Variants in DYNC1I1 observed in about 807,000 individuals in gnomAD.
DYNC1I1 encodes the protein cytoplasmic dynein 1 intermediate chain 1.
Under a neutral mutation model 86.6 loss-of-function variants are expected in DYNC1I1, and 43 were observed. That is an observed-to-expected ratio of 0.50 (90% CI 0.39 to 0.64). The LOEUF is 0.64. Ranked by LOEUF, DYNC1I1 falls within the 30% of genes least tolerant of loss-of-function variation. The pLI is 0.00. For synonymous variants in DYNC1I1, 262 were observed against 283.7 expected (o/e 0.92, Z 0.77); for missense variants, 604 against 788.8 (o/e 0.77, Z 2.81).
intron 14 of DYNC1I1, among the ~76,000 whole-genome samples, 191 bp from the exon 15 acceptor site, chr7:96,075,866 C>T (rs1002810882): frequency 4.6e-5 from 7 of 152,040 alleles, no homozygotes; most frequent in Admixed American, 2.0e-4. Flanking sequence ...GAGGCCCCCT[C>T]TCCCCCCGGT....
chr7:95,922,204 T>C lies in DYNC1I1; in HGVS notation c.490+52206T>C, dbSNP rs544390022. ...CTTCAGGATTTTTTTTTCTTTTCTT[T>C]TTTAATATTAGTGTGTGTAAAGGTG... On this transcript the variant is annotated intron_variant, in intron 6 of 16. Coordinates refer to ENST00000447467, the MANE Select transcript of DYNC1I1 (RefSeq NM_001135556.2). Among the ~76,000 whole-genome samples the C allele has an allele frequency of 7.2e-5, 11 of 152,306 alleles. No homozygotes were observed. In the East Asian group the frequency reaches 2.1e-3, roughly 29 times the overall value.
At chr7:95,923,076 C>CT (rs1274131541) in intron 6 of DYNC1I1, among the ~76,000 whole-genome samples, 2 of 151,982 alleles carry the variant, frequency 1.3e-5, no homozygotes, top group African/African-American at 4.8e-5. Context: ...GTTTTCATAT[C>CT]TTTTTTCTTG....
At chr7:95,896,595 A>T (rs548606646) in intron 6 of DYNC1I1, among the ~76,000 whole-genome samples, 1 of 152,292 alleles carries the variant, frequency 6.6e-6, no homozygotes, top group African/African-American at 2.4e-5. Context: ...AATTGGTTTC[A>T]CACACAGCTC....
At chr7:95,841,471 C>T (rs1374037771) in intron 5 of DYNC1I1, among the ~76,000 whole-genome samples, 1 of 152,120 alleles carries the variant, frequency 6.6e-6, no homozygotes, top group African/African-American at 2.4e-5. Context: ...TGGGACGAGC[C>T]TGCAAGGCCA....
chr7:95,801,132 C>T (rs1210408938), intron 1 of DYNC1I1, among the ~76,000 whole-genome samples: 1 of 152,120 alleles, frequency 6.6e-6, no homozygotes, highest in African/African-American at 2.4e-5. Flanking sequence ...TGGAATGGAT[C>T]AAAAAATCAA....
chr7:96,030,632 G>A (rs973156480), intron 11 of DYNC1I1, among the ~76,000 whole-genome samples: 2 of 151,944 alleles, frequency 1.3e-5, no homozygotes, highest in African/African-American at 4.8e-5. Flanking sequence ...TATCAAAGAA[G>A]CCCCACTGGA....
At chr7:96,083,163 C>T (rs914400514) in intron 16 of DYNC1I1, among the ~76,000 whole-genome samples, 4 of 151,930 alleles carry the variant, frequency 2.6e-5, no homozygotes, top group South Asian at 2.1e-4. Flanking sequence ...TCTGAATGAC[C>T]GAAAATCAGG....
At chr7:96,061,192 G>A (rs1789754711) in intron 14 of DYNC1I1, among the ~76,000 whole-genome samples, 1 of 152,180 alleles carries the variant, frequency 6.6e-6, no homozygotes, top group Admixed American at 6.5e-5. Flanking sequence ...TTTTAATTAA[G>A]GAGCGAAGGG....
chr7:96,030,301 TG>T (rs1794776527), intron 11 of DYNC1I1, among the ~76,000 whole-genome samples: 1 of 151,758 alleles, frequency 6.6e-6, no homozygotes, highest in Non-Finnish European at 1.5e-5. Context: ...ATGGGTATAC[TG>T]TAGCTTTCTT....
chr7:96,010,145 A>C (rs978184337), intron 10 of DYNC1I1, among the ~76,000 whole-genome samples: 9 of 152,170 alleles, frequency 5.9e-5, no homozygotes, highest in African/African-American at 1.9e-4. Flanking sequence ...TCTTTGAGGA[A>C]TCTGTCCCTG....
chr7:95,827,971 T>G, intron 4 of DYNC1I1, 86 bp from the exon 5 acceptor site: 1 of 1,399,882 alleles, frequency 7.1e-7, no homozygotes, highest in African/African-American at 1.4e-5. Context: ...GCTCTTGCCT[T>G]GATGAATGAC....
chr7:95,791,565 G>C (rs2115719870), intron 1 of DYNC1I1, among the ~76,000 whole-genome samples: 1 of 152,294 alleles, frequency 6.6e-6, no homozygotes, highest in Admixed American at 6.5e-5. Context: ...CTAAAGCATA[G>C]ATTATTTTTA....
At chr7:95,908,603 AGTC>A in intron 6 of DYNC1I1, among the ~76,000 whole-genome samples, 1 of 152,020 alleles carries the variant, frequency 6.6e-6, no homozygotes, top group Non-Finnish European at 1.5e-5. Flanking sequence ...TTTAGCATTC[AGTC>A]GTCTGGCCTC....
chr7:95,803,924 G>C (rs1040783989), intron 1 of DYNC1I1, among the ~76,000 whole-genome samples: 3 of 152,082 alleles, frequency 2.0e-5, no homozygotes, highest in African/African-American at 7.2e-5. Flanking sequence ...ATCACTACCA[G>C]CATCGTCATC....
rs145660284 is a variant in DYNC1I1, at chr7:95,867,262, A to T, written c.375-2621A>T. 6.2e-3 allele frequency among the ~76,000 whole-genome samples: 950 copies of T among 152,300 alleles called. 18 individuals are homozygous for T. Among genetic ancestry groups the T allele is most frequent in the African/African-American group, 0.022 (916 of 41,560 alleles). ...AACATTATTATAATCATCAGAACAG[A>T]TAAAGTAGAGCTGCTTGAGCCAAGA... is the stretch of plus-strand genomic sequence containing the variant. On this transcript the variant is annotated intron_variant, in intron 5 of 16. Coordinates refer to ENST00000447467, the MANE Select transcript of DYNC1I1 (RefSeq NM_001135556.2).
intron 6 of DYNC1I1, among the ~76,000 whole-genome samples, chr7:95,904,249 C>G (rs1402610023): frequency 6.6e-6 from 1 of 152,126 alleles, no homozygotes; most frequent in African/African-American, 2.4e-5. Flanking sequence ...TGGACCCTAG[C>G]CAGACCTCAG....
At chr7:95,976,785 TA>T (rs1678992095) in intron 6 of DYNC1I1, among the ~76,000 whole-genome samples, 1 of 152,130 alleles carries the variant, frequency 6.6e-6, no homozygotes, top group Non-Finnish European at 1.5e-5. Context: ...TTTCAAACAC[TA>T]TATAATGGAA....
Position 96,098,142 on chromosome 7 carries a change from G to C in DYNC1I1, c.*549G>C. The C allele has an allele frequency of 1.9e-5, 19 of 986,098 alleles. No homozygotes were observed. The highest frequency in any genetic ancestry group is 2.3e-5 in the Non-Finnish European group (19 of 830,112). 61.1% of individuals were successfully genotyped at this position (986,098 alleles called of 1,614,324 possible). On this transcript the variant is annotated 3_prime_UTR_variant, in exon 17 of 17. Transcript: ENST00000447467. ...GAAAGCATTAAAATAAATGATCCTA[G>C]AGCATGTGCATAATGAGAGGACTGT...
chr7:95,977,362 AT>A (rs1793332216), intron 6 of DYNC1I1, 149 bp from the exon 7 acceptor site: 1 of 582,920 alleles, frequency 1.7e-6, no homozygotes, highest in African/African-American at 2.0e-5. Context: ...ATTCATGAAC[AT>A]TTATCTTGGG....
Sources: gnomAD v4.1 joint callset for allele counts (sites outside exome capture counted in the v4.1 genomes callset) on GRCh38, gnomAD v4.1.1 for gene constraint, MANE v1.5 for transcripts, NCBI Gene and HGNC (gene_info 2026-07-23, HGNC 2026-07-21) for gene names.